The following LINGO2 variants were observed in gnomAD, a reference collection of about 807,000 sequenced individuals.
LINGO2 encodes the protein leucine rich repeat and Ig domain containing 2, also known as leucine-rich repeat and immunoglobulin-like domain-containing nogo receptor-interacting protein 2.
Under a neutral mutation model 30.6 loss-of-function variants are expected in LINGO2, and 14 were observed. The observed-to-expected ratio is 0.46, with a 90% CI of 0.30 to 0.72. LINGO2 has a LOEUF of 0.72. Among genes scored for constraint, LINGO2 ranks in the 30% least tolerant of loss-of-function variants. The pLI is 0.07. For synonymous variants in LINGO2, 317 were observed against 288.5 expected (o/e 1.10, Z -1.00); for missense variants, 729 against 751.7 (o/e 0.97, Z 0.35).
chr9:28,879,325 G>A, the LINGO2 span, among the ~76,000 whole-genome samples: 1 of 152,152 alleles, frequency 6.6e-6, no homozygotes, highest in Non-Finnish European at 1.5e-5. Context: ...ATAATATGTA[G>A]TAGCACTGAA....
At chr9:28,578,375 T>C (rs954678825) in intron 1 of LINGO2, among the ~76,000 whole-genome samples, 6 of 152,158 alleles carry the variant, frequency 3.9e-5, no homozygotes, top group African/African-American at 1.4e-4. Context: ...AGGTAACAGA[T>C]TAAATTTATC....
chr9:28,962,606 A>G, the LINGO2 span, among the ~76,000 whole-genome samples: 1 of 151,940 alleles, frequency 6.6e-6, no homozygotes, highest in African/African-American at 2.4e-5. Context: ...TTACTGTAAA[A>G]GTATCAAGCT....
At chr9:28,944,040 C>T in the LINGO2 span, among the ~76,000 whole-genome samples, 2 of 152,336 alleles carry the variant, frequency 1.3e-5, no homozygotes, top group African/African-American at 4.8e-5. Flanking sequence ...TCATCTTTCA[C>T]ATAACATTCA....
chr9:28,299,932 C>T (rs1441603562), intron 3 of LINGO2, among the ~76,000 whole-genome samples: 1 of 152,096 alleles, frequency 6.6e-6, no homozygotes, highest in Non-Finnish European at 1.5e-5. Flanking sequence ...GCTTACTCAG[C>T]ATGGTGTCCA....
At chr9:28,373,242 G>C (rs1312642307) in intron 2 of LINGO2, among the ~76,000 whole-genome samples, 1 of 152,094 alleles carries the variant, frequency 6.6e-6, no homozygotes, top group Non-Finnish European at 1.5e-5. Flanking sequence ...TAAGATTTTT[G>C]ATAAATTCAG....
the LINGO2 span, among the ~76,000 whole-genome samples, chr9:28,985,690 G>C: frequency 6.6e-6 from 1 of 151,900 alleles, no homozygotes; most frequent in African/African-American, 2.4e-5. Context: ...CAGGTCCCTT[G>C]CCCATTTTGT....
intron 1 of LINGO2, among the ~76,000 whole-genome samples, chr9:28,507,158 T>G (rs369320968): frequency 3.8e-4 from 58 of 152,164 alleles, no homozygotes; most frequent in African/African-American, 1.2e-3. Flanking sequence ...TTGAGGCTTT[T>G]TATCCTGGAT....
At chr9:28,649,709 TAAA>T (rs1828002345) in intron 1 of LINGO2, among the ~76,000 whole-genome samples, 2 of 151,892 alleles carry the variant, frequency 1.3e-5, no homozygotes, top group Non-Finnish European at 2.9e-5. Flanking sequence ...AAAAAAATTG[TAAA>T]AGCTGTAAAC....
intron 1 of LINGO2, among the ~76,000 whole-genome samples, chr9:28,619,249 T>C (rs1285134285): frequency 1.3e-5 from 2 of 152,196 alleles, no homozygotes; most frequent in Non-Finnish European, 2.9e-5. Flanking sequence ...TTATTCCTTA[T>C]TTCTTTACCA....
the LINGO2 span, among the ~76,000 whole-genome samples, chr9:28,769,530 TTTTTTTTTTTTTTTTA>T: frequency 3.2e-4 from 2 of 6,196 alleles, no homozygotes; most frequent in Non-Finnish European, 5.7e-4. Flanking sequence ...TTTTTTTTTT[TTTTTTTTTTTTTTTTA>T]CCTGAATGTC....
intron 1 of LINGO2, among the ~76,000 whole-genome samples, chr9:28,565,762 G>A (rs1278277415): frequency 6.6e-6 from 1 of 151,258 alleles, no homozygotes; most frequent in Non-Finnish European, 1.5e-5. Context: ...CACCATGTTA[G>A]CCAGGATGGT....
At chr9:28,838,408 A>G in the LINGO2 span, among the ~76,000 whole-genome samples, 3 of 152,190 alleles carry the variant, frequency 2.0e-5, no homozygotes, top group Non-Finnish European at 4.4e-5. Flanking sequence ...ACATATTTCT[A>G]AAATTTCTCA....
intron 4 of LINGO2, among the ~76,000 whole-genome samples, chr9:28,014,627 G>T (rs1026402249): frequency 1.3e-5 from 2 of 152,126 alleles, no homozygotes; most frequent in African/African-American, 2.4e-5. Context: ...TGACGATTAT[G>T]CATAGTGTGC....
intron 4 of LINGO2, among the ~76,000 whole-genome samples, chr9:28,135,805 C>A (rs1827501793): frequency 6.6e-6 from 1 of 152,144 alleles, no homozygotes; most frequent in Non-Finnish European, 1.5e-5. Context: ...CTCTCCCTGG[C>A]TTCTAAGGTA....
At chr9:28,713,713 T>C in the LINGO2 span, among the ~76,000 whole-genome samples, 1 of 152,094 alleles carries the variant, frequency 6.6e-6, no homozygotes, top group Admixed American at 6.6e-5. Context: ...AGAACATCTC[T>C]CTTGGAAGAC....
upstream of LINGO2, among the ~76,000 whole-genome samples, chr9:28,671,631 TGA>T (rs1417140344): frequency 6.6e-6 from 1 of 151,802 alleles, no homozygotes; most frequent in Non-Finnish European, 1.5e-5. Context: ...GGGGTCTATT[TGA>T]GAGTGGAGGG....
intron 3 of LINGO2, among the ~76,000 whole-genome samples, chr9:28,348,345 G>A (rs1038838733): frequency 1.3e-5 from 2 of 152,162 alleles, no homozygotes; most frequent in Non-Finnish European, 2.9e-5. Context: ...GGAAGCGCAA[G>A]GGGTCAGAGA....
chr9:28,441,210 T>G (rs1453343271), intron 2 of LINGO2, among the ~76,000 whole-genome samples: 1 of 143,334 alleles, frequency 7.0e-6, no homozygotes, highest in Non-Finnish European at 1.5e-5. Context: ...TTTCACAAAA[T>G]GACCTTAGTC....
intron 5 of LINGO2, among the ~76,000 whole-genome samples, chr9:28,007,556 A>AT (rs1822327907): frequency 6.6e-6 from 1 of 152,154 alleles, no homozygotes; most frequent in African/African-American, 2.4e-5. Flanking sequence ...TCTATTGATA[A>AT]TTAAGATAAA....
Sources: gnomAD v4.1 joint callset for allele counts (sites outside exome capture counted in the v4.1 genomes callset) on GRCh38, gnomAD v4.1.1 for gene constraint, MANE v1.5 for transcripts, NCBI Gene and HGNC (gene_info 2026-07-23, HGNC 2026-07-21) for gene names.